The following MYBPC1 variants were observed in gnomAD, a reference collection of about 807,000 sequenced individuals.
MYBPC1 encodes the protein myosin-binding protein C, slow-type.
MYBPC1 carries 52 observed loss-of-function variants against 147.1 expected under a neutral mutation model. The observed-to-expected ratio is 0.35, with a 90% confidence interval of 0.28 to 0.45. The LOEUF (loss-of-function observed/expected upper bound fraction) is 0.45. Among genes scored for constraint, MYBPC1 ranks in the 20% least tolerant of loss-of-function variants. MYBPC1 has a pLI of 1.00. For missense variants in MYBPC1, 1,228 were observed against 1,440.3 expected, an observed-to-expected ratio of 0.85 and a Z score of 2.39; for synonymous variants, 477 against 475.9, an observed-to-expected ratio of 1.00 and a Z score of -0.03.
chr12:101,675,338 A>G lies in MYBPC1; in HGVS notation c.2856A>G (p.Gly952=). The G allele has an allele frequency of 6.2e-7, 1 of 1,614,138 alleles. No homozygotes were observed. ...TTGTGAAGATTGAGGATGTCTGGGG[A>G]GAAAATGTCGCTCTCACATGGACTC... is the stretch of plus-strand genomic sequence containing the variant. ...PQIVKIEDVW[G]ENVALTWTPP... Residue 952 remains glycine (G), a synonymous_variant, in exon 26 of 32, where the codon GGA becomes GGG. Transcript: ENST00000361466.
chr12:101,691,880 C>T, the MYBPC1 span, among the ~76,000 whole-genome samples: 4 of 152,196 alleles, frequency 2.6e-5, no homozygotes, highest in Non-Finnish European at 4.4e-5. Context: ...GGCAAGGAGG[C>T]TGATCAATAC....
chr12:101,655,071 G>A (rs1895298869), intron 18 of MYBPC1, among the ~76,000 whole-genome samples: 1 of 152,088 alleles, frequency 6.6e-6, no homozygotes, highest in Non-Finnish European at 1.5e-5. Context: ...AGCTCAAAAT[G>A]AGGAGAAAAG....
chr12:101,686,644 T>C (rs1951351966), downstream of MYBPC1, among the ~76,000 whole-genome samples: 1 of 152,200 alleles, frequency 6.6e-6, no homozygotes, highest in South Asian at 2.1e-4. Context: ...TCGCCTCCCC[T>C]CTGTTTTTCT....
downstream of MYBPC1, among the ~76,000 whole-genome samples, chr12:101,688,363 G>T (rs902298040): frequency 5.9e-5 from 9 of 152,086 alleles, no homozygotes; most frequent in African/African-American, 2.2e-4. Context: ...AGGTTGCAGT[G>T]AGCAAAGATT....
At chr12:101,648,361 T>C (rs1893672899) in intron 14 of MYBPC1, among the ~76,000 whole-genome samples, 1 of 152,202 alleles carries the variant, frequency 6.6e-6, no homozygotes, top group Admixed American at 6.5e-5. Flanking sequence ...TCTATGTGGG[T>C]AAGCACGTAG....
intron 24 of MYBPC1, among the ~76,000 whole-genome samples, chr12:101,671,919 T>C (rs1466398601): frequency 3.3e-5 from 5 of 152,170 alleles, no homozygotes; most frequent in African/African-American, 1.2e-4. Flanking sequence ...CATTTGATCC[T>C]CAGAAACACC....
Position 101,669,031 on chromosome 12 carries a change from G to A in MYBPC1, c.2524+1132G>A, listed in dbSNP as rs146135466. 6.0e-4 allele frequency among the ~76,000 whole-genome samples: 92 copies of A among 152,248 alleles called. 1 individual carries two copies. The East Asian group carries it at 0.013, about 21-fold the overall frequency. ...GAACCCAGGAGGCGGAGGCTGCAGTGAGCCAAGATCACGCCACTGCACTTC... is the reference window on the plus strand; with the variant it reads ...GAACCCAGGAGGCGGAGGCTGCAGTAAGCCAAGATCACGCCACTGCACTTC... On this transcript the variant is annotated intron_variant, in intron 23 of 31. Transcript: ENST00000361466.
At chr12:101,625,685 C>G (rs1178745223) in intron 3 of MYBPC1, among the ~76,000 whole-genome samples, 1 of 152,192 alleles carries the variant, frequency 6.6e-6, no homozygotes, top group Non-Finnish European at 1.5e-5. Flanking sequence ...GCACAAAGCT[C>G]CAGCCCACTG....
At chr12:101,608,220 C>T (rs928414323) in intron 1 of MYBPC1, among the ~76,000 whole-genome samples, 5 of 152,160 alleles carry the variant, frequency 3.3e-5, no homozygotes, top group African/African-American at 7.2e-5. Flanking sequence ...AAAGAACAGC[C>T]GCCCTTGCCC....
intron 3 of MYBPC1, among the ~76,000 whole-genome samples, chr12:101,625,913 G>A (rs1425995942): frequency 2.0e-5 from 3 of 151,632 alleles, no homozygotes; most frequent in Non-Finnish European, 4.4e-5. Context: ...GTGAAACCCC[G>A]TCTCTACCAA....
rs1048707292 is a variant in MYBPC1, at chr12:101,684,375, T to C, written c.3493-7T>C. On this transcript the variant is annotated splice_region_variant and splice_polypyrimidine_tract_variant and intron_variant, in intron 30 of 31. Coordinates refer to ENST00000361466, the MANE Select transcript of MYBPC1 (RefSeq NM_002465.4). ...TCTCTCTCTCTCCCTCTTTCTCTTT[T>C]CCTTAGTCATTGCACAATAAGGATT... 5 of 1,578,558 alleles carry C rather than the reference T, an allele frequency of 3.2e-6. No homozygotes were observed. Among genetic ancestry groups the C allele is most frequent in the African/African-American group, 2.7e-5 (2 of 74,260 alleles).
chr12:101,682,558 C>T, intron 29 of MYBPC1, 46 bp from the exon 30 acceptor site: 1 of 1,552,130 alleles, frequency 6.4e-7, no homozygotes, highest in Non-Finnish European at 8.9e-7. Context: ...GTAAGAATGT[C>T]AACTGAGAAT....
intron 10 of MYBPC1, chr12:101,637,051 T>TCCGTCTCATGACTGAATAAA (rs1555233566): frequency 2.2e-4 from 63 of 292,036 alleles, no homozygotes; most frequent in East Asian, 5.1e-4. Flanking sequence ...CACATATGAT[T>TCCGTCTCATGACTGAATAAA]TGGTAGAAGT....
At chr12:101,671,839 G>A (rs367775274) in intron 24 of MYBPC1, among the ~76,000 whole-genome samples, 18 of 152,310 alleles carry the variant, frequency 1.2e-4, no homozygotes, top group Middle Eastern at 3.4e-3. Context: ...TCAGCCCCCA[G>A]GAAGGGAGAT....
chr12:101,642,639 G>A (rs930566575), intron 11 of MYBPC1, 54 bp downstream of exon 11: 5 of 1,560,796 alleles, frequency 3.2e-6, no homozygotes, highest in African/African-American at 2.7e-5. Flanking sequence ...GCGTTCGAAA[G>A]CCTTGACCGT....
intron 18 of MYBPC1, among the ~76,000 whole-genome samples, chr12:101,658,218 A>G (rs1285665573): frequency 6.6e-6 from 1 of 152,104 alleles, no homozygotes; most frequent in East Asian, 1.9e-4. Flanking sequence ...CACTCTAGGT[A>G]TGCAATGCTG....
Position 101,678,177 on chromosome 12 carries a change from A to G in MYBPC1, c.3185A>G (p.Asn1062Ser). The G allele has an allele frequency of 6.2e-7, 1 of 1,614,118 alleles. No homozygotes were observed. Among genetic ancestry groups the G allele is most frequent in the Non-Finnish European group, 8.5e-7 (1 of 1,179,948 alleles). The stretch of plus-strand genomic sequence containing the variant: ...CCCATGTTTACTCAGCCTTTGGTTA[A>G]CACCTATGCCATAGCTGGTTACAAT... ...EAPMFTQPLV[N>S]TYAIAGYNAT... Residue 1062 changes from asparagine (N) to serine (S), a missense_variant, in exon 28 of 32, where the codon AAC becomes AGC. By Grantham distance (46) the Asn-to-Ser change is conservative. Transcript: ENST00000361466.
chr12:101,625,225 T>C (rs554426648), intron 3 of MYBPC1, among the ~76,000 whole-genome samples: 2 of 152,050 alleles, frequency 1.3e-5, no homozygotes, highest in East Asian at 3.9e-4. Context: ...CTATAGAATA[T>C]ACCAGGTGCA....
At chr12:101,613,010 T>G (rs779583933) in intron 1 of MYBPC1, among the ~76,000 whole-genome samples, 23 of 152,236 alleles carry the variant, frequency 1.5e-4, no homozygotes, top group Non-Finnish European at 2.8e-4. Context: ...CTTCTGTCCA[T>G]CTATAAGTTT....
Sources: gnomAD v4.1 joint callset for allele counts (sites outside exome capture counted in the v4.1 genomes callset) on GRCh38, gnomAD v4.1.1 for gene constraint, MANE v1.5 for transcripts, NCBI Gene and HGNC (gene_info 2026-07-23, HGNC 2026-07-21) for gene names.